Variants in RCAN2 observed in about 807,000 individuals in gnomAD.
The protein encoded by RCAN2 is regulator of calcineurin 2.
In RCAN2, 9 loss-of-function variants were observed where a neutral mutation model predicts 23.6. The ratio of observed to expected loss-of-function variants is 0.38; its 90% confidence interval spans 0.23 to 0.67. RCAN2 has a LOEUF of 0.67. Ranked by LOEUF, RCAN2 falls within the 30% of genes least tolerant of loss-of-function variation. RCAN2 has a pLI of 0.51. For synonymous variants in RCAN2, 109 were observed against 115.7 expected, an observed-to-expected ratio of 0.94 and a Z score of 0.37; for missense variants, 273 against 302.3, an observed-to-expected ratio of 0.90 and a Z score of 0.72.
intron 4 of RCAN2, among the ~76,000 whole-genome samples, chr6:46,238,397 ATT>A (rs199747815): frequency 6.6e-6 from 1 of 151,490 alleles, no homozygotes; most frequent in Non-Finnish European, 1.5e-5. Context: ...CTGGAAATGG[ATT>A]TTTTTTTGTC....
intron 2 of RCAN2, among the ~76,000 whole-genome samples, chr6:46,261,521 G>C (rs1030517704): frequency 1.3e-5 from 2 of 152,160 alleles, no homozygotes; most frequent in Non-Finnish European, 2.9e-5. Context: ...CAGATTGGAA[G>C]ATAAACATTT....
At chr6:46,470,623 T>C (rs1768532560) in intron 1 of RCAN2, among the ~76,000 whole-genome samples, 1 of 152,238 alleles carries the variant, frequency 6.6e-6, no homozygotes, top group Non-Finnish European at 1.5e-5. Context: ...CTATGTACCC[T>C]CTCTCTACCA....
chr6:46,367,555 T>C (rs534049395), intron 2 of RCAN2, among the ~76,000 whole-genome samples: 1 of 152,366 alleles, frequency 6.6e-6, no homozygotes, highest in East Asian at 1.9e-4. Flanking sequence ...CATTTAATTA[T>C]GCTGACCCAT....
intron 2 of RCAN2, among the ~76,000 whole-genome samples, chr6:46,258,677 AGTCTATTATTTCTTTCCCAGTAGCG>A (rs1293279586): frequency 6.6e-6 from 1 of 152,196 alleles, no homozygotes; most frequent in Non-Finnish European, 1.5e-5. Flanking sequence ...TCCATGTTCC[AGTCTATTATTTCTTTCCCAGTAGCG>A]GTCCTAAAGT....
At chr6:46,321,029 G>A (rs576946316) in intron 2 of RCAN2, among the ~76,000 whole-genome samples, 180 of 152,250 alleles carry the variant, frequency 1.2e-3, no homozygotes, top group African/African-American at 4.1e-3. Context: ...GGCTAAGATG[G>A]CCTCTCTTTC....
chr6:46,233,780 T>G (rs749727038), intron 4 of RCAN2, among the ~76,000 whole-genome samples: 1 of 147,196 alleles, frequency 6.8e-6, no homozygotes, highest in Non-Finnish European at 1.5e-5. Flanking sequence ...GGCTGGAGAG[T>G]GCAATGGCAC....
At position 46,323,626 on chromosome 6, in the gene RCAN2, TTCTC is replaced by T. The variant is rs1277700776; in HGVS notation, c.226-74734_226-74731del. ...TCACTAGACTGCAAAATGCTGTGCC[TTCTC>T]TCTTTCTGTATAAAATCTACCCATC... On this transcript the variant is annotated intron_variant, in intron 2 of 4. Coordinates refer to ENST00000371374, the MANE Select transcript of RCAN2 (RefSeq NM_001251974.2). Among the ~76,000 whole-genome samples the T allele has an allele frequency of 3.3e-5, 5 of 152,328 alleles. No homozygotes were observed. In the East Asian group the frequency reaches 9.6e-4, roughly 29 times the overall value.
intron 2 of RCAN2, among the ~76,000 whole-genome samples, chr6:46,276,315 A>G (rs1450284554): frequency 6.6e-6 from 1 of 152,198 alleles, no homozygotes; most frequent in African/African-American, 2.4e-5. Context: ...TCTGCCTTCA[A>G]TTATGGGCAT....
chr6:46,461,234 C>T (rs1169645346), intron 1 of RCAN2, among the ~76,000 whole-genome samples: 1 of 152,014 alleles, frequency 6.6e-6, no homozygotes, highest in Non-Finnish European at 1.5e-5. Context: ...CGCTCCTGTC[C>T]TGCAACACTG....
intron 2 of RCAN2, among the ~76,000 whole-genome samples, chr6:46,292,633 T>G (rs1032718827): frequency 1.3e-5 from 2 of 152,194 alleles, no homozygotes; most frequent in African/African-American, 4.8e-5. Context: ...TTTTCCAAAT[T>G]AACATGTTTC....
intron 2 of RCAN2, among the ~76,000 whole-genome samples, chr6:46,257,045 A>C (rs898876153): frequency 2.0e-5 from 3 of 152,220 alleles, no homozygotes; most frequent in Admixed American, 2.0e-4. Context: ...TGTTATGCGG[A>C]GAGCACTGTC....
At chr6:46,237,178 A>G (rs113896647) in intron 4 of RCAN2, among the ~76,000 whole-genome samples, 5 of 152,300 alleles carry the variant, frequency 3.3e-5, no homozygotes, top group African/African-American at 1.2e-4. Flanking sequence ...TCATATTTTT[A>G]GTGAATATTT....
chr6:46,429,748 A>G (rs1767133776), intron 2 of RCAN2, among the ~76,000 whole-genome samples: 1 of 152,196 alleles, frequency 6.6e-6, no homozygotes, highest in Admixed American at 6.5e-5. Flanking sequence ...ACAATCACAT[A>G]AAGAAATGGA....
intron 3 of RCAN2, 58 bp downstream of exon 3, chr6:46,248,664 TA>T: frequency 7.3e-7 from 1 of 1,376,916 alleles, no homozygotes; most frequent in Non-Finnish European, 9.8e-7. Flanking sequence ...ATTTACATTT[TA>T]AAATGGTAAA....
chr6:46,349,754 C>A (rs1764590492), intron 2 of RCAN2, among the ~76,000 whole-genome samples: 1 of 152,094 alleles, frequency 6.6e-6, no homozygotes, highest in African/African-American at 2.4e-5. Context: ...TGGTTCAAAC[C>A]ATCATTTTCT....
intron 2 of RCAN2, among the ~76,000 whole-genome samples, chr6:46,340,281 T>C (rs563360313): frequency 6.4e-4 from 98 of 152,198 alleles, no homozygotes; most frequent in Non-Finnish European, 1.2e-3. Context: ...TAGAGATTTA[T>C]ACTGGAATTT....
intron 2 of RCAN2, among the ~76,000 whole-genome samples, chr6:46,401,920 G>A (rs1414532773): frequency 1.3e-5 from 2 of 152,188 alleles, no homozygotes; most frequent in African/African-American, 4.8e-5. Flanking sequence ...AGACAGGGCA[G>A]AGGCTCCATC....
chr6:46,221,646 G>C lies in RCAN2; in HGVS notation c.*1495C>G, dbSNP rs1765478861. The C allele has an allele frequency of 3.1e-6, 1 of 324,880 alleles. No individual in the cohort carries two copies. Among genetic ancestry groups the C allele is most frequent in the African/African-American group, 2.1e-5 (1 of 47,002 alleles). The allele number at this position is 324,880 out of a possible 1,614,324, so 20.1% of individuals were successfully genotyped here. Reference sequence around the variant, plus strand: ...TGATCAGTCTATGTTTTAAGTTTCTGATGAAACTAACATACACCTTAGTCA... The same window carrying C: ...TGATCAGTCTATGTTTTAAGTTTCTCATGAAACTAACATACACCTTAGTCA... On this transcript the variant is annotated 3_prime_UTR_variant, in exon 5 of 5. Coordinates refer to ENST00000371374, the MANE Select transcript of RCAN2 (RefSeq NM_001251974.2).
intron 4 of RCAN2, 85 bp downstream of exon 4, chr6:46,246,663 C>A: frequency 8.8e-7 from 1 of 1,134,904 alleles, no homozygotes; most frequent in South Asian, 1.4e-5. Context: ...TTACTGTGAA[C>A]CCAGGATCTC....
Sources: gnomAD v4.1 joint callset for allele counts (sites outside exome capture counted in the v4.1 genomes callset) on GRCh38, gnomAD v4.1.1 for gene constraint, MANE v1.5 for transcripts, NCBI Gene and HGNC (gene_info 2026-07-23, HGNC 2026-07-21) for gene names.